Variants in CHMP7 observed in about 807,000 individuals in gnomAD.
The protein encoded by CHMP7 is CHMP family, member 7.
A neutral mutation model predicts 53.7 loss-of-function variants in CHMP7; 15 were observed. That is an observed-to-expected ratio of 0.28 (90% CI 0.19 to 0.43). The LOEUF (loss-of-function observed/expected upper bound fraction) is 0.43, where lower values mean the gene tolerates loss of function less well. Ranked by LOEUF, CHMP7 falls within the 20% of genes least tolerant of loss-of-function variation. CHMP7 has a pLI of 1.00. For missense variants in CHMP7, 527 were observed against 569.4 expected, an observed-to-expected ratio of 0.93 and a Z score of 0.76; for synonymous variants, 261 against 228.0, an observed-to-expected ratio of 1.14 and a Z score of -1.30.
chr8:23,246,949 G>A lies in CHMP7; in HGVS notation c.254G>A (p.Gly85Glu). The A allele has an allele frequency of 6.4e-7, 1 of 1,551,856 alleles. No homozygotes were observed. The highest frequency in any genetic ancestry group is 1.2e-5 in the South Asian group (1 of 84,692). Reference protein sequence around the residue: ...RDLQEAFQRKGSVPLGLATVL... With the variant: ...RDLQEAFQRKESVPLGLATVL... The stretch of plus-strand genomic sequence containing the variant: ...TTGCAGGAGGCCTTTCAGCGCAAGG[G>A]GAGCGTCCCGCTGGGGCTGGCCACG... The change falls in exon 2 of 11, where the codon GGG becomes GAG. Residue 85 changes from glycine (G) to glutamate (E), a missense_variant. Transcript: ENST00000397677.
At chr8:23,256,692 T>TG (rs2077426083) in intron 5 of CHMP7, 99 bp downstream of exon 5, 1 of 813,866 alleles carries the variant, frequency 1.2e-6, no homozygotes, top group Non-Finnish European at 1.8e-6. Context: ...ATAGGTGGGT[T>TG]TTTTTTTTTT....
In CHMP7 at chr8:23,260,183, T is replaced by C; in HGVS notation, c.1160T>C (p.Leu387Pro). 1 of 1,614,178 alleles carries C rather than the reference T, an allele frequency of 6.2e-7. No individual in the cohort carries two copies. Among genetic ancestry groups the C allele is most frequent in the Non-Finnish European group, 8.5e-7 (1 of 1,180,016 alleles). Residue 387 changes from leucine (L) to proline (P), a missense_variant, in exon 10 of 11, where the codon CTC (leucine) becomes CCC (proline). Coordinates refer to ENST00000397677, the MANE Select transcript of CHMP7 (RefSeq NM_152272.5). ...SEELEKELDI[L>P]LQDTTKEPLD... ...GAACTGGAGAAGGAATTGGACATCC[T>C]CCTTCAGGATACCACCAAAGAACCT...
intron 1 of CHMP7, among the ~76,000 whole-genome samples, chr8:23,245,475 C>A (rs1226629751): frequency 6.6e-6 from 1 of 152,190 alleles, no homozygotes; most frequent in Non-Finnish European, 1.5e-5. Context: ...ATAAATTCCG[C>A]TTTAACCTGG....
Position 23,259,098 on chromosome 8 carries a change from T to G in CHMP7, c.1092T>G (p.Thr364=). The G allele has an allele frequency of 1.2e-6, 2 of 1,608,072 alleles. No homozygotes were observed. The highest frequency in any genetic ancestry group is 1.7e-6 in the Non-Finnish European group (2 of 1,174,622). The change falls in exon 9 of 11, where the codon ACT becomes ACG. Residue 364 remains threonine, a synonymous_variant. Transcript: ENST00000397677. ...LCDTQDEVSQ[T]LAGGVTNGLD... ...ACACCCAGGATGAAGTTTCTCAGACTCTGGCTGGTGGGGTAACAAATGGCT... is the reference window on the plus strand; with the variant it reads ...ACACCCAGGATGAAGTTTCTCAGACGCTGGCTGGTGGGGTAACAAATGGCT...
chr8:23,245,353 T>A (rs948829618), intron 1 of CHMP7, among the ~76,000 whole-genome samples: 1 of 152,260 alleles, frequency 6.6e-6, no homozygotes, highest in Non-Finnish European at 1.5e-5. Context: ...GTGTTGGATT[T>A]TGTCAAATGC....
rs750095388 is a variant in CHMP7 at position 23,260,651 on chromosome 8, G to A, written c.*52G>A. The stretch of plus-strand genomic sequence containing the variant: ...AAAAGAGAGACCAGGCTTGCTGGGT[G>A]TGTACATAGTTATTTAAACAAGAAA... On this transcript the variant is annotated 3_prime_UTR_variant, in exon 11 of 11. Transcript: ENST00000397677. 3.8e-6 allele frequency: 5 copies of A among 1,323,668 alleles called. No individual in the cohort carries two copies. The highest frequency in any genetic ancestry group is 5.5e-6 in the Non-Finnish European group (5 of 917,320). The allele number at this position is 1,323,668 out of a possible 1,614,324, so 82.0% of individuals were successfully genotyped here. A position where few individuals can be genotyped will look rare whatever the true frequency, so the allele number is the denominator to read the frequency against.
chr8:23,259,970 G>A, intron 9 of CHMP7, 174 bp from the exon 10 acceptor site: 1 of 599,594 alleles, frequency 1.7e-6, no homozygotes, highest in Non-Finnish European at 2.9e-6. Context: ...TTGGAGTGTG[G>A]AAGAATCATC....
Position 23,258,464 on chromosome 8 carries a change from C to T in CHMP7, c.960+15C>T. Reference sequence around the variant, plus strand: ...CAGATCAGATGGTAGTCACTCCCCTCTACTCCAGCACTTGGCTGGTCTCTC... The same window carrying T: ...CAGATCAGATGGTAGTCACTCCCCTTTACTCCAGCACTTGGCTGGTCTCTC... On this transcript the variant is annotated intron_variant, in intron 7 of 10. Coordinates refer to ENST00000397677, the MANE Select transcript of CHMP7 (RefSeq NM_152272.5). The T allele has an allele frequency of 6.2e-7, 1 of 1,613,858 alleles. No individual in the cohort carries two copies. The highest frequency in any genetic ancestry group is 8.5e-7 in the Non-Finnish European group (1 of 1,179,960).
rs1162009237 is a variant in CHMP7 at position 23,246,518 on chromosome 8, ACGGAGCGCAG to A, written c.-175_-166del. 4.9e-6 allele frequency: 3 copies of A among 611,014 alleles called. No homozygotes were observed. Among genetic ancestry groups the A allele is most frequent in the Non-Finnish European group, 8.6e-6 (3 of 348,926 alleles). 37.8% of individuals were successfully genotyped at this position (611,014 alleles called of 1,614,324 possible). ...ACTTCATCATACTGCCTCCTGGCTG[ACGGAGCGCAG>A]CGCAACGCATGCGCCTTGAAGACTT... On this transcript the variant is annotated 5_prime_UTR_variant, in exon 2 of 11. Transcript: ENST00000397677.
chr8:23,248,726 T>C (rs1801804454), intron 2 of CHMP7, among the ~76,000 whole-genome samples: 1 of 152,234 alleles, frequency 6.6e-6, no homozygotes, highest in Non-Finnish European at 1.5e-5. Flanking sequence ...ACCAAATAGT[T>C]ACATCGTATC....
At position 23,261,878 on chromosome 8, in the gene CHMP7, G is replaced by A. The variant is rs955708082; in HGVS notation, c.*1279G>A. 2.6e-5 allele frequency: 4 copies of A among 152,644 alleles called. No individual in the cohort carries two copies. Among genetic ancestry groups the A allele is most frequent in the African/African-American group, 9.6e-5 (4 of 41,464 alleles). 9.5% of individuals were successfully genotyped at this position (152,644 alleles called of 1,614,324 possible). ...TTGCTCCAGGCCAGGAGCACAAATC[G>A]TTGTTCAATGAATTTCTCTCCAACT... On this transcript the variant is annotated 3_prime_UTR_variant, in exon 11 of 11. Transcript: ENST00000397677.
Position 23,246,412 on chromosome 8 carries a change from G to T in CHMP7, c.-284G>T, listed in dbSNP as rs1341935933. On this transcript the variant is annotated 5_prime_UTR_variant, in exon 2 of 11. Transcript: ENST00000397677. Reference sequence around the variant, plus strand: ...GAGACGTAAGGTGCAGCCACCTGCCGCGCAGGCGCAAGCCTTTCTTTCGGC... The same window carrying T: ...GAGACGTAAGGTGCAGCCACCTGCCTCGCAGGCGCAAGCCTTTCTTTCGGC... 4 of 463,622 alleles carry T rather than the reference G, an allele frequency of 8.6e-6. No homozygotes were observed. Among genetic ancestry groups the T allele is most frequent in the Non-Finnish European group, 1.5e-5 (4 of 259,076 alleles). 28.7% of individuals were successfully genotyped at this position (463,622 alleles called of 1,614,324 possible).
chr8:23,244,264 T>C (rs961586886), intron 1 of CHMP7, among the ~76,000 whole-genome samples: 2 of 152,188 alleles, frequency 1.3e-5, no homozygotes, highest in African/African-American at 4.8e-5. Context: ...TCTAGGAGTT[T>C]TATTGTTTTG....
At position 23,255,381 on chromosome 8, in the gene CHMP7, G is replaced by A; in HGVS notation, c.606G>A (p.Leu202=). 1 of 1,614,216 alleles carries A rather than the reference G, an allele frequency of 6.2e-7. No homozygotes were observed. The highest frequency in any genetic ancestry group is 2.2e-5 in the East Asian group (1 of 44,874). The change falls in exon 4 of 11, where the codon CTG becomes CTA. Residue 202 remains leucine, a synonymous_variant. Transcript: ENST00000397677. The part of the protein sequence containing the change: ...PDERTFYLVL[L]QLQKEKRVTV... ...AGAGGACCTTCTACTTGGTGTTGCTGCAGCTGCAGAAGGAGAAGAGGGTCA... is the reference window on the plus strand; with the variant it reads ...AGAGGACCTTCTACTTGGTGTTGCTACAGCTGCAGAAGGAGAAGAGGGTCA...
Position 23,260,198 on chromosome 8 carries a change from C to A in CHMP7, c.1175C>A (p.Thr392Asn). 6.2e-7 allele frequency: 1 copy of A among 1,614,164 alleles called. No individual in the cohort carries two copies. Among genetic ancestry groups the A allele is most frequent in the South Asian group, 1.1e-5 (1 of 91,084 alleles). Reference sequence around the variant, plus strand: ...TTGGACATCCTCCTTCAGGATACCACCAAAGAACCTTTGGATCTGCCTGAC... The same window carrying A: ...TTGGACATCCTCCTTCAGGATACCAACAAAGAACCTTTGGATCTGCCTGAC... Reference protein sequence around the residue: ...KELDILLQDTTKEPLDLPDNP... With the variant: ...KELDILLQDTNKEPLDLPDNP... Residue 392 changes from threonine to asparagine, a missense_variant, in exon 10 of 11, where the codon ACC becomes AAC. By Grantham distance (65) the Thr-to-Asn change is moderately conservative. Transcript: ENST00000397677.
rs1259369011 is a variant in CHMP7 at position 23,258,019 on chromosome 8, C to T, written c.792-14C>T. 1.3e-5 allele frequency: 21 copies of T among 1,602,432 alleles called. No individual in the cohort carries two copies. The highest frequency in any genetic ancestry group is 1.8e-5 in the Non-Finnish European group (21 of 1,170,358). ...CCTGTGGCACAGTAATCTTATCTGT[C>T]CCTTTGTTTCCAGGTGTAAAGAAGA... On this transcript the variant is annotated splice_polypyrimidine_tract_variant and intron_variant, in intron 5 of 10. Transcript: ENST00000397677.
chr8:23,261,692 T>C lies in CHMP7; in HGVS notation c.*1093T>C, dbSNP rs7361. The C allele has an allele frequency of 0.13, 20,049 of 152,414 alleles. 1,701 individuals carry two copies. The highest frequency in any genetic ancestry group is 0.29 in the South Asian group (1,409 of 4,806). 9.4% of individuals were successfully genotyped at this position (152,414 alleles called of 1,614,324 possible). A position where few individuals can be genotyped will look rare whatever the true frequency, so the allele number is the denominator to read the frequency against. ...GCCTCCTTTGAGGGACTGGGGGACTTGGGGTAGGGGGACAGACGGGAAAGG... is the reference window on the plus strand; with the variant it reads ...GCCTCCTTTGAGGGACTGGGGGACTCGGGGTAGGGGGACAGACGGGAAAGG... On this transcript the variant is annotated 3_prime_UTR_variant, in exon 11 of 11. Transcript: ENST00000397677.
Position 23,246,395 on chromosome 8 carries a change from A to G in CHMP7, c.-301A>G, listed in dbSNP as rs968312091. 1 of 420,638 alleles carries G rather than the reference A, an allele frequency of 2.4e-6. No individual in the cohort carries two copies. The highest frequency in any genetic ancestry group is 4.6e-5 in the East Asian group (1 of 21,954). 26.1% of individuals were successfully genotyped at this position (420,638 alleles called of 1,614,324 possible). ...ACTCCAGAATCTTGAAGGAGACGTAAGGTGCAGCCACCTGCCGCGCAGGCG... is the reference window on the plus strand; with the variant it reads ...ACTCCAGAATCTTGAAGGAGACGTAGGGTGCAGCCACCTGCCGCGCAGGCG... On this transcript the variant is annotated 5_prime_UTR_variant, in exon 2 of 11. An upstream open reading frame in the 5' UTR loses its in-frame stop. Transcript: ENST00000397677.
chr8:23,251,929 A>G (rs77145825), intron 3 of CHMP7, among the ~76,000 whole-genome samples: 108 of 152,062 alleles, frequency 7.1e-4, no homozygotes, highest in South Asian at 6.0e-3. Flanking sequence ...TGCCTTTTCA[A>G]TTTTAACAAA....
Sources: allele counts gnomAD v4.1 joint callset (sites outside exome capture counted in the v4.1 genomes callset), GRCh38; gene constraint gnomAD v4.1.1; transcripts MANE v1.5; gene names NCBI Gene and HGNC (gene_info 2026-07-23, HGNC 2026-07-21).